GRID2: variants seen among roughly 807,000 people sequenced by gnomAD.
The protein encoded by GRID2 is glutamate receptor ionotropic, delta-2.
In GRID2, 33 loss-of-function variants were observed where a neutral mutation model predicts 114.8. That is an observed-to-expected ratio of 0.29 (90% CI 0.22 to 0.38). The LOEUF is 0.38. Ranked by LOEUF, GRID2 falls within the 10% of genes least tolerant of loss-of-function variation. GRID2 has a pLI of 1.00. For missense variants in GRID2, 1,184 were observed against 1,257.7 expected (o/e 0.94, Z 0.89); for synonymous variants, 505 against 449.9 (o/e 1.12, Z -1.55).
chr4:93,046,150 C>T (rs2149274869), intron 2 of GRID2, among the ~76,000 whole-genome samples: 1 of 152,166 alleles, frequency 6.6e-6, no homozygotes, highest in Admixed American at 6.6e-5. Context: ...AACTTTATAT[C>T]CATAAATCAC....
At chr4:92,897,293 A>C (rs1271036532) in intron 2 of GRID2, among the ~76,000 whole-genome samples, 3 of 152,180 alleles carry the variant, frequency 2.0e-5, no homozygotes, top group Admixed American at 6.5e-5. Flanking sequence ...CACTAATTTC[A>C]AAGTTAATGA....
chr4:93,675,312 T>A (rs1256065284), intron 14 of GRID2, among the ~76,000 whole-genome samples: 1 of 152,100 alleles, frequency 6.6e-6, no homozygotes, highest in Non-Finnish European at 1.5e-5. Flanking sequence ...CAGTTTTTTT[T>A]AATAGATAGA....
At chr4:92,350,674 T>A (rs1291065416) in intron 1 of GRID2, among the ~76,000 whole-genome samples, 1 of 151,870 alleles carries the variant, frequency 6.6e-6, no homozygotes, top group Non-Finnish European at 1.5e-5. Context: ...ACAGCTTTAT[T>A]GAGATATAAT....
At position 93,738,692 on chromosome 4, in the gene GRID2, C is replaced by A. The variant is rs190219285; in HGVS notation, c.2361-30518C>A. Among the ~76,000 whole-genome samples the A allele has an allele frequency of 4.6e-4, 70 of 152,068 alleles. 1 individual carries two copies. Among genetic ancestry groups the A allele is most frequent in the Admixed American group, 1.2e-3 (19 of 15,250 alleles). On this transcript the variant is annotated intron_variant, in intron 14 of 15. Transcript: ENST00000282020. Reference sequence around the variant, plus strand: ...GATGTGCACACTTGGAGAAGGAGAGCAAATATATTTAACCTGAGAACATAA... The same window carrying A: ...GATGTGCACACTTGGAGAAGGAGAGAAAATATATTTAACCTGAGAACATAA...
intron 1 of GRID2, among the ~76,000 whole-genome samples, chr4:92,540,421 A>C (rs997255063): frequency 2.0e-5 from 3 of 152,204 alleles, no homozygotes; most frequent in African/African-American, 7.2e-5. Context: ...AATATCCAGA[A>C]TCTACATAGA....
chr4:92,495,010 A>G (rs1261519233), intron 1 of GRID2, among the ~76,000 whole-genome samples: 1 of 152,048 alleles, frequency 6.6e-6, no homozygotes, highest in East Asian at 1.9e-4. Context: ...TAATAAAAAT[A>G]TTATCAAACT....
chr4:93,264,709 G>GATATATAT (rs70942961), intron 8 of GRID2, among the ~76,000 whole-genome samples: 70,196 of 132,470 alleles, frequency 0.53, 19,131 homozygotes, highest in Middle Eastern at 0.64. Context: ...AGTTTTGAAT[G>GATATATAT]ATATATATAT....
intron 13 of GRID2, among the ~76,000 whole-genome samples, chr4:93,540,155 C>G (rs531802560): frequency 2.4e-4 from 37 of 151,978 alleles, no homozygotes; most frequent in African/African-American, 8.4e-4. Flanking sequence ...TTCATGTCTA[C>G]TAGCATTTTT....
intron 1 of GRID2, among the ~76,000 whole-genome samples, chr4:92,529,546 A>T (rs1470278670): frequency 1.3e-5 from 2 of 152,122 alleles, no homozygotes; most frequent in Non-Finnish European, 2.9e-5. Flanking sequence ...ATGTGAAAAC[A>T]TACTGCAAGT....
chr4:93,767,415 T>A lies in GRID2; in HGVS notation c.2361-1795T>A, dbSNP rs1037893990. Among the ~76,000 whole-genome samples the A allele has an allele frequency of 1.6e-4, 25 of 152,314 alleles. 1 individual carries two copies. The highest frequency in any genetic ancestry group is 1.6e-3 in the Admixed American group (25 of 15,292). On this transcript the variant is annotated intron_variant, in intron 14 of 15. Coordinates refer to ENST00000282020, the MANE Select transcript of GRID2 (RefSeq NM_001510.4). ...ACATATAACCCATTAATATTCATAA[T>A]CATTTTAGTAAATTCAATTAATCAA...
At chr4:92,760,845 G>A (rs994596014) in intron 2 of GRID2, among the ~76,000 whole-genome samples, 1 of 152,166 alleles carries the variant, frequency 6.6e-6, no homozygotes, top group African/African-American at 2.4e-5. Flanking sequence ...AAAATATACA[G>A]ATAGCTATGA....
chr4:93,112,678 G>C (rs545555740), intron 4 of GRID2, among the ~76,000 whole-genome samples: 2 of 152,058 alleles, frequency 1.3e-5, no homozygotes, highest in Non-Finnish European at 2.9e-5. Flanking sequence ...GCTGCCATTG[G>C]CTTAAACAAC....
intron 1 of GRID2, among the ~76,000 whole-genome samples, chr4:92,457,007 T>G (rs1721249158): frequency 6.6e-6 from 1 of 152,174 alleles, no homozygotes; most frequent in Non-Finnish European, 1.5e-5. Flanking sequence ...TATATTTCTG[T>G]CTCCAACTTA....
At chr4:93,022,217 C>T (rs571907987) in intron 2 of GRID2, among the ~76,000 whole-genome samples, 27 of 151,774 alleles carry the variant, frequency 1.8e-4, no homozygotes, top group African/African-American at 5.8e-4. Flanking sequence ...CACACACACA[C>T]AAACACACAC....
chr4:93,752,466 G>T (rs1732408857), intron 14 of GRID2, among the ~76,000 whole-genome samples: 1 of 152,064 alleles, frequency 6.6e-6, no homozygotes, highest in Non-Finnish European at 1.5e-5. Flanking sequence ...CGCCTCCCGG[G>T]TTCACACCCT....
chr4:92,521,427 T>G (rs1724772268), intron 1 of GRID2, among the ~76,000 whole-genome samples: 1 of 151,978 alleles, frequency 6.6e-6, no homozygotes, highest in African/African-American at 2.4e-5. Flanking sequence ...TTAAAAGATT[T>G]GCTAAAATAA....
intron 2 of GRID2, among the ~76,000 whole-genome samples, chr4:93,001,956 T>G (rs996489763): frequency 6.6e-6 from 1 of 151,742 alleles, no homozygotes; most frequent in African/African-American, 2.4e-5. Context: ...TTTTCAATTT[T>G]TTTTCAAGCA....
intron 8 of GRID2, among the ~76,000 whole-genome samples, chr4:93,256,498 A>G (rs528074461): frequency 5.3e-5 from 8 of 152,006 alleles, no homozygotes; most frequent in African/African-American, 1.9e-4. Context: ...CCCTTTTCCA[A>G]GAAGCCATTT....
At chr4:92,448,739 A>C (rs1468445541) in intron 1 of GRID2, among the ~76,000 whole-genome samples, 2 of 152,172 alleles carry the variant, frequency 1.3e-5, no homozygotes, top group Non-Finnish European at 2.9e-5. Flanking sequence ...AAATCAAATA[A>C]ATGAGGTAAA....
Sources: allele counts gnomAD v4.1 joint callset (sites outside exome capture counted in the v4.1 genomes callset), GRCh38; gene constraint gnomAD v4.1.1; transcripts MANE v1.5; gene names NCBI Gene and HGNC (gene_info 2026-07-23, HGNC 2026-07-21).